The following ZC3H7B variants were observed in gnomAD, a reference collection of about 807,000 sequenced individuals.
ZC3H7B encodes the protein zinc finger CCCH-type containing 7B.
A neutral mutation model predicts 116.0 loss-of-function variants in ZC3H7B; 35 were observed. The observed-to-expected ratio is 0.30, with a 90% CI of 0.23 to 0.40. The LOEUF (loss-of-function observed/expected upper bound fraction) is 0.40, where lower values mean the gene tolerates loss of function less well. ZC3H7B is among the 10% of genes least tolerant of loss of function. The pLI, the probability that ZC3H7B is intolerant of heterozygous loss-of-function variation, is 1.00. For missense variants in ZC3H7B, 1,011 were observed against 1,321.5 expected (o/e 0.77, Z 3.64); for synonymous variants, 502 against 545.6 (o/e 0.92, Z 1.11).
In ZC3H7B at chr22:41,356,466, C is replaced by T. The variant is rs761842811; in HGVS notation, c.2507C>T (p.Ala836Val). Reference sequence around the variant, plus strand: ...CAGATCCAGATGCCCACGGACTACGCGGACATCATGGTAACGCCTCCGCCC... The same window carrying T: ...CAGATCCAGATGCCCACGGACTACGTGGACATCATGGTAACGCCTCCGCCC... ...EKQIQMPTDY[A>V]DIMMGYHCWL... The change falls in exon 21 of 23, where the codon GCG (alanine) becomes GTG (valine). Residue 836 changes from alanine (A) to valine (V), a missense_variant. Physicochemically the swap from Ala to Val is moderately conservative, Grantham distance 64. This residue lies in a region of ZC3H7B where 406 missense variants were observed against 590.2 expected (regional missense o/e 0.69). Coordinates refer to ENST00000352645, the MANE Select transcript of ZC3H7B (RefSeq NM_017590.6). The T allele has an allele frequency of 6.2e-7, 1 of 1,614,072 alleles. No individual in the cohort carries two copies.
chr22:41,315,321 C>T (rs532693302), intron 1 of ZC3H7B, among the ~76,000 whole-genome samples: 2 of 150,642 alleles, frequency 1.3e-5, no homozygotes, highest in African/African-American at 2.4e-5. Flanking sequence ...GGACTACAGG[C>T]ATGTACCACT....
intron 2 of ZC3H7B, among the ~76,000 whole-genome samples, chr22:41,321,829 C>CTTTTTTTTTTTTTTTT (rs199611879): frequency 1.1e-5 from 1 of 91,022 alleles, no homozygotes; most frequent in African/African-American, 5.7e-5. Context: ...AACTCACATT[C>CTTTTTTTTTTTTTTTT]TTTTTTTTTT....
chr22:41,318,663 C>T (rs559269377), intron 1 of ZC3H7B, among the ~76,000 whole-genome samples: 21 of 152,136 alleles, frequency 1.4e-4, no homozygotes, highest in African/African-American at 4.8e-4. Context: ...GTGGGAGGAT[C>T]CCTTGAGCCC....
chr22:41,325,977 G>T, intron 4 of ZC3H7B, 59 bp downstream of exon 4: 6 of 1,537,846 alleles, frequency 3.9e-6, no homozygotes, highest in Admixed American at 2.0e-5. Context: ...TGGATGCCCA[G>T]TCGAGCCAGG....
intron 1 of ZC3H7B, among the ~76,000 whole-genome samples, chr22:41,312,538 C>T (rs1363306925): frequency 1.3e-5 from 2 of 151,436 alleles, no homozygotes; most frequent in Non-Finnish European, 2.9e-5. Context: ...TGAAGTGAGC[C>T]ACGATGGTGC....
chr22:41,331,554 C>CAAAAA (rs76036983), intron 6 of ZC3H7B, among the ~76,000 whole-genome samples: 1 of 51,320 alleles, frequency 1.9e-5, no homozygotes. Context: ...GACTCTGCCT[C>CAAAAA]AAAAAAAAAA....
At chr22:41,324,154 C>T (rs1411498718) in intron 2 of ZC3H7B, among the ~76,000 whole-genome samples, 3 of 151,842 alleles carry the variant, frequency 2.0e-5, no homozygotes, top group Non-Finnish European at 4.4e-5. Context: ...GGCAGGAGGC[C>T]AGGAAGGTAG....
intron 5 of ZC3H7B, among the ~76,000 whole-genome samples, chr22:41,329,403 C>T (rs1379615081): frequency 6.6e-6 from 1 of 151,714 alleles, no homozygotes; most frequent in Non-Finnish European, 1.5e-5. Context: ...GGATTACAGG[C>T]ACCCACCACC....
At chr22:41,306,821 G>A (rs2036047402) in intron 1 of ZC3H7B, among the ~76,000 whole-genome samples, 1 of 152,138 alleles carries the variant, frequency 6.6e-6, no homozygotes, top group African/African-American at 2.4e-5. Context: ...GAGCTGGCCT[G>A]GTGTGGGCCT....
At chr22:41,320,853 G>T (rs1226410831) in intron 2 of ZC3H7B, 140 bp downstream of exon 2, 1 of 1,168,860 alleles carries the variant, frequency 8.6e-7, no homozygotes. Flanking sequence ...GTGCGGGCAG[G>T]TGGGAGGAGC....
intron 1 of ZC3H7B, 132 bp from the exon 2 acceptor site, chr22:41,320,523 C>A (rs372240939): frequency 9.8e-7 from 1 of 1,016,840 alleles, no homozygotes; most frequent in Non-Finnish European, 1.5e-6. Context: ...CCCTCAGGGA[C>A]ACGCCTCCCG....
At chr22:41,303,431 C>G (rs528977536) in intron 1 of ZC3H7B, among the ~76,000 whole-genome samples, 2 of 152,142 alleles carry the variant, frequency 1.3e-5, no homozygotes, top group Admixed American at 6.6e-5. Context: ...GCTGATCTCT[C>G]GAGTCTTAGT....
At chr22:41,335,280 C>T (rs1268434132) in intron 7 of ZC3H7B, 8 of 152,222 alleles carry the variant, frequency 5.3e-5, no homozygotes, top group Non-Finnish European at 1.0e-4. Flanking sequence ...TGCAGGGGTC[C>T]GGTACCTGCC....
At chr22:41,315,427 C>T (rs1403012343) in intron 1 of ZC3H7B, among the ~76,000 whole-genome samples, 3 of 142,854 alleles carry the variant, frequency 2.1e-5, no homozygotes, top group Admixed American at 7.7e-5. Context: ...TGGGCTCAAG[C>T]GATCCTCCCA....
intron 11 of ZC3H7B, among the ~76,000 whole-genome samples, chr22:41,342,082 CT>C (rs2036529897): frequency 6.6e-6 from 1 of 150,812 alleles, no homozygotes; most frequent in African/African-American, 2.4e-5. Flanking sequence ...AAAAAAAGAG[CT>C]TGCTACACTC....
At chr22:41,303,069 C>T (rs556193436) in intron 1 of ZC3H7B, among the ~76,000 whole-genome samples, 1 of 152,322 alleles carries the variant, frequency 6.6e-6, no homozygotes, top group Admixed American at 6.5e-5. Context: ...CTGGCAGAAT[C>T]TTTAGTTCTA....
At chr22:41,339,747 G>C (rs769062122) in intron 9 of ZC3H7B, 69 bp from the exon 10 acceptor site, 2 of 1,458,252 alleles carry the variant, frequency 1.4e-6, no homozygotes, top group Non-Finnish European at 1.8e-6. Context: ...GCTTCCCCAA[G>C]TCCTGATGCT....
In ZC3H7B at chr22:41,349,196, G is replaced by A. The variant is rs1251200154; in HGVS notation, c.1843G>A (p.Asp615Asn). Residue 615 changes from aspartate (D) to asparagine (N), a missense_variant, in exon 16 of 23, where the codon GAC becomes AAC. Around this residue, in one of 5 missense-constraint regions of ZC3H7B, gnomAD observed 406 missense variants for 590.2 expected, o/e 0.69. Coordinates refer to ENST00000352645, the MANE Select transcript of ZC3H7B (RefSeq NM_017590.6). This position sits in a 1 kb window ranked among gnomAD's most constrained non-coding sequence, Gnocchi z 4.9. ...IRQFQEHFQF[D>N]VCRHEVRYGC... is the part of the protein sequence containing the mutation. Reference sequence around the variant, plus strand: ...CCAGTTCCAGGAGCACTTCCAGTTCGACGTGTGCCGCCATGAGGTGCGCTA... The same window carrying A: ...CCAGTTCCAGGAGCACTTCCAGTTCAACGTGTGCCGCCATGAGGTGCGCTA... 4.3e-6 allele frequency: 7 copies of A among 1,613,806 alleles called. No homozygotes were observed. Among genetic ancestry groups the A allele is most frequent in the Non-Finnish European group, 5.9e-6 (7 of 1,180,008 alleles).
chr22:41,313,180 G>A (rs995118034), intron 1 of ZC3H7B, among the ~76,000 whole-genome samples: 1 of 132,850 alleles, frequency 7.5e-6, no homozygotes, highest in African/African-American at 2.7e-5. Flanking sequence ...GTGCAGTGGC[G>A]CGATATCAGC....
Sources: allele counts gnomAD v4.1 joint callset (sites outside exome capture counted in the v4.1 genomes callset), GRCh38; gene constraint gnomAD v4.1.1; regional missense constraint gnomAD v4.1.1; non-coding constraint Gnocchi (gnomAD v3.1); transcripts MANE v1.5; gene names NCBI Gene and HGNC (gene_info 2026-07-23, HGNC 2026-07-21).